The following PUF60 variants were observed in gnomAD, a reference collection of about 807,000 sequenced individuals.
PUF60 encodes the protein poly(U)-binding-splicing factor PUF60.
A neutral mutation model predicts 61.8 loss-of-function variants in PUF60; 10 were observed. The ratio of observed to expected loss-of-function variants is 0.16; its 90% CI spans 0.10 to 0.27. The LOEUF (loss-of-function observed/expected upper bound fraction) is 0.27, where lower values mean the gene tolerates loss of function less well. PUF60 is among the 10% of genes least tolerant of loss of function. PUF60 has a pLI of 1.00. For synonymous variants in PUF60, 353 were observed against 300.9 expected, an observed-to-expected ratio of 1.17 and a Z score of -1.79; for missense variants, 371 against 754.0, an observed-to-expected ratio of 0.49 and a Z score of 5.95.
chr8:143,825,747 G>T (rs144903709), intron 1 of PUF60, among the ~76,000 whole-genome samples: 1 of 152,202 alleles, frequency 6.6e-6, no homozygotes, highest in African/African-American at 2.4e-5. Context: ...TACTACAGGC[G>T]TGGACCACTG....
Position 143,817,689 on chromosome 8 carries a change from G to T in PUF60, c.911C>A (p.Thr304Lys). Reference protein sequence around the residue: ...GQYLRVGKAVTPPMPLLTPAT... With the variant: ...GQYLRVGKAVKPPMPLLTPAT... Reference sequence around the variant, plus strand: ...TGGTGTGAGTAGGGGCATGGGCGGTGTGACAGCCTTGCCCACCCGCAAGTA... The same window carrying T: ...TGGTGTGAGTAGGGGCATGGGCGGTTTGACAGCCTTGCCCACCCGCAAGTA... The change falls in exon 9 of 12, where the codon ACA (threonine) becomes AAA (lysine). Residue 304 changes from threonine (T) to lysine (K), a missense_variant. Around this residue, in one of 13 missense-constraint regions of PUF60, gnomAD observed 17 missense variants for 19.2 expected, o/e 0.89. Coordinates refer to ENST00000526683, the MANE Select transcript of PUF60 (RefSeq NM_078480.3). This position sits in a 1 kb window ranked among gnomAD's most constrained non-coding sequence, Gnocchi z 7.4. 6.2e-7 allele frequency: 1 copy of T among 1,612,676 alleles called. No homozygotes were observed. The highest frequency in any genetic ancestry group is 8.5e-7 in the Non-Finnish European group (1 of 1,179,856).
At position 143,817,612 on chromosome 8, in the gene PUF60, T is replaced by C; in HGVS notation, c.988A>G (p.Thr330Ala). The change falls in exon 9 of 12, where the codon ACT becomes GCT. Residue 330 changes from threonine (T) to alanine (A), a missense_variant. Around this residue, in one of 13 missense-constraint regions of PUF60, gnomAD observed 4 missense variants for 27.8 expected, o/e 0.14. Transcript: ENST00000526683. This position sits in a 1 kb window ranked among gnomAD's most constrained non-coding sequence, Gnocchi z 7.4. Reference protein sequence around the residue: ...PAAAVAAAAATAKITAQEAVA... With the variant: ...PAAAVAAAAAAAKITAQEAVA... ...CTCACCTGAGCTGTGATCTTGGCAG[T>C]GGCTGCAGCAGCTGCCACAGCAGCG... 1 of 1,610,776 alleles carries C rather than the reference T, an allele frequency of 6.2e-7. No homozygotes were observed. Among genetic ancestry groups the C allele is most frequent in the Non-Finnish European group, 8.5e-7 (1 of 1,179,468 alleles).
intron 1 of PUF60, 190 bp downstream of exon 1, chr8:143,829,090 T>A: frequency 3.6e-6 from 4 of 1,103,658 alleles, no homozygotes; most frequent in Non-Finnish European, 4.4e-6. Context: ...GGCCGGAAGC[T>A]GAGGCCGCGA....
intron 2 of PUF60, 146 bp downstream of exon 2, chr8:143,824,167 G>C: frequency 1.3e-6 from 1 of 771,752 alleles, no homozygotes; most frequent in Non-Finnish European, 2.1e-6. Flanking sequence ...GCGGGCAGTT[G>C]TCTGCCCAGA....
Position 143,817,779 on chromosome 8 carries a change from T to C in PUF60, c.821A>G (p.Tyr274Cys). The C allele has an allele frequency of 6.2e-7, 1 of 1,610,380 alleles. No individual in the cohort carries two copies. The highest frequency in any genetic ancestry group is 8.5e-7 in the Non-Finnish European group (1 of 1,178,834). Reference protein sequence around the residue: ...GKHKGYGFIEYEKAQSSQDAV... With the variant: ...GKHKGYGFIECEKAQSSQDAV... ...ATCTTGGGACGACTGGGCCTTCTCG[T>C]ACTCTGTGGGCAGGAGCAGCAGTGA... The change falls in exon 9 of 12, where the codon TAC (tyrosine) becomes TGC (cysteine). Residue 274 changes from tyrosine to cysteine, a missense_variant. By Grantham distance (194) the Tyr-to-Cys change is radical. Around this residue, in one of 13 missense-constraint regions of PUF60, gnomAD observed 24 missense variants for 35.0 expected, o/e 0.68. Transcript: ENST00000526683. This position sits in a 1 kb window ranked among gnomAD's most constrained non-coding sequence, Gnocchi z 7.4.
rs367957619 is a variant in PUF60, at chr8:143,816,661, G to C, written c.1539C>G (p.Val513=). The change falls in exon 12 of 12, where the codon GTC becomes GTG. Residue 513 remains valine, a synonymous_variant. Coordinates refer to ENST00000526683, the MANE Select transcript of PUF60 (RefSeq NM_078480.3). ...CTATGGAAAACTCCACAAAGATCTT[G>C]ACAATGATTTCTGCATCCTCCTCCT... is the stretch of plus-strand genomic sequence containing the variant. ...QGEEEDAEII[V]KIFVEFSIAS... 6 of 1,613,750 alleles carry C rather than the reference G, an allele frequency of 3.7e-6. No homozygotes were observed. The African/African-American group carries it at 8.0e-5, about 22-fold the overall frequency.
At chr8:143,820,579 C>A in intron 5 of PUF60, 87 bp downstream of exon 5, 1 of 1,427,724 alleles carries the variant, frequency 7.0e-7, no homozygotes. Flanking sequence ...GCCAGGGGAG[C>A]AAGGTCCCCA....
chr8:143,822,056 G>C (rs971565458), intron 2 of PUF60, 143 bp from the exon 3 acceptor site: 3 of 648,626 alleles, frequency 4.6e-6, no homozygotes, highest in Non-Finnish European at 7.9e-6. Flanking sequence ...CCCCAGCCCA[G>C]GCCACTGTCT....
Position 143,817,275 on chromosome 8 carries a change from G to C in PUF60, c.1144+56C>G, listed in dbSNP as rs149920434. 1 of 1,552,330 alleles carries C rather than the reference G, an allele frequency of 6.4e-7. No homozygotes were observed. Among genetic ancestry groups the C allele is most frequent in the Non-Finnish European group, 8.7e-7 (1 of 1,152,038 alleles). On this transcript the variant is annotated intron_variant, in intron 10 of 11. Transcript: ENST00000526683. The surrounding 1 kb of genome is among the most constrained non-coding windows in gnomAD (Gnocchi z 7.4). ...CCAGGGCCAGGCAGCTGAGGGCAGCGAGCCGAGAGATGCCAGGACAGGAGA... is the reference window on the plus strand; with the variant it reads ...CCAGGGCCAGGCAGCTGAGGGCAGCCAGCCGAGAGATGCCAGGACAGGAGA...
chr8:143,824,132 G>A (rs1454276071), intron 2 of PUF60, among the ~76,000 whole-genome samples, 181 bp downstream of exon 2: 1 of 152,266 alleles, frequency 6.6e-6, no homozygotes, highest in Non-Finnish European at 1.5e-5. Flanking sequence ...GTGCAGGGCT[G>A]GTGCGGGGAG....
At chr8:143,828,368 G>A (rs537116441) in intron 1 of PUF60, among the ~76,000 whole-genome samples, 23 of 152,352 alleles carry the variant, frequency 1.5e-4, no homozygotes, top group Middle Eastern at 3.4e-3. Flanking sequence ...GTAATACAGG[G>A]GTAAACTGCG....
In PUF60 at chr8:143,818,537, G is replaced by A. The variant is rs1198103623; in HGVS notation, c.349-3C>T. ...GCCCGCTGCCGCTGAGCCGCCATCT[G>A]CAGCAGGACAGAGGGGAGAGAACCG... On this transcript the variant is annotated splice_polypyrimidine_tract_variant and splice_region_variant and intron_variant, in intron 5 of 11. Coordinates refer to ENST00000526683, the MANE Select transcript of PUF60 (RefSeq NM_078480.3). The surrounding 1 kb of genome is among the most constrained non-coding windows in gnomAD (Gnocchi z 7.9). The A allele has an allele frequency of 6.3e-7, 1 of 1,585,408 alleles. No homozygotes were observed. The highest frequency in any genetic ancestry group is 8.6e-7 in the Non-Finnish European group (1 of 1,166,728).
chr8:143,828,966 G>A, intron 1 of PUF60: 10 of 989,778 alleles, frequency 1.0e-5, no homozygotes, highest in South Asian at 9.4e-5. Flanking sequence ...GGAGGACGAC[G>A]ACCCCCGCTT....
At chr8:143,827,438 T>C (rs746083056) in intron 1 of PUF60, 2 of 456,256 alleles carry the variant, frequency 4.4e-6, no homozygotes, top group South Asian at 3.1e-5. Context: ...GCAGAAGGCA[T>C]GCCCATGGGA....
At chr8:143,821,780 G>A (rs747984282) in intron 3 of PUF60, 38 bp downstream of exon 3, 4 of 1,580,448 alleles carry the variant, frequency 2.5e-6, no homozygotes, top group East Asian at 4.5e-5. Flanking sequence ...CCAGTTGACT[G>A]TCCCACACCT....
At chr8:143,825,323 C>G (rs952612255) in intron 1 of PUF60, among the ~76,000 whole-genome samples, 1 of 152,162 alleles carries the variant, frequency 6.6e-6, no homozygotes, top group Non-Finnish European at 1.5e-5. Context: ...CCTTCAGCCT[C>G]CAGAGGAGGA....
intron 5 of PUF60, chr8:143,820,094 A>G (rs1816842720): frequency 6.5e-6 from 1 of 153,756 alleles, no homozygotes; most frequent in African/African-American, 2.4e-5. Flanking sequence ...TGCCCACCAC[A>G]GCCAAGGCCA....
At chr8:143,821,256 T>C (rs865938243) in intron 4 of PUF60, 35 of 497,938 alleles carry the variant, frequency 7.0e-5, no homozygotes, top group South Asian at 4.7e-4. Flanking sequence ...GCCCACGCCC[T>C]GCATGCTGCC....
rs1388610586 is a variant in PUF60 at position 143,824,408 on chromosome 8, AG to A, written c.25-10del. On this transcript the variant is annotated splice_polypyrimidine_tract_variant and intron_variant, in intron 1 of 11. Coordinates refer to ENST00000526683, the MANE Select transcript of PUF60 (RefSeq NM_078480.3). Reference sequence around the variant, plus strand: ...TGCTGGCCATTGACCTGCTGCAGGCAGGAAGGAGATGTTGTAACGACAGGCA... The same window carrying A: ...TGCTGGCCATTGACCTGCTGCAGGCAGAAGGAGATGTTGTAACGACAGGCA... The A allele has an allele frequency of 3.1e-6, 5 of 1,610,940 alleles. No individual in the cohort carries two copies. In the South Asian group the frequency reaches 5.5e-5, roughly 18 times the overall value.
Sources: allele counts gnomAD v4.1 joint callset (sites outside exome capture counted in the v4.1 genomes callset), GRCh38; gene constraint gnomAD v4.1.1; regional missense constraint gnomAD v4.1.1; non-coding constraint Gnocchi (gnomAD v3.1); transcripts MANE v1.5; gene names NCBI Gene and HGNC (gene_info 2026-07-23, HGNC 2026-07-21).